RGS12: variants seen among roughly 807,000 people sequenced by gnomAD.
RGS12 encodes the protein regulator of G-protein signaling 12.
In RGS12, 66 loss-of-function variants were observed where a neutral mutation model predicts 120.1. That is an observed-to-expected ratio of 0.55 (90% CI 0.45 to 0.67). The LOEUF (loss-of-function observed/expected upper bound fraction) is 0.67, where lower values mean the gene tolerates loss of function less well. Ranked by LOEUF, RGS12 falls within the 30% of genes least tolerant of loss-of-function variation. The pLI is 0.00. For missense variants in RGS12, 1,859 were observed against 1,957.7 expected (o/e 0.95, Z 0.95); for synonymous variants, 827 against 804.7 (o/e 1.03, Z -0.47).
At chr4:3,395,442 G>A (rs528915780) in intron 4 of RGS12, among the ~76,000 whole-genome samples, 1 of 152,274 alleles carries the variant, frequency 6.6e-6, no homozygotes, top group African/African-American at 2.4e-5. Flanking sequence ...GCTTGTACAG[G>A]TCTTTTGGGT....
At position 3,417,719 on chromosome 4, in the gene RGS12, C is replaced by T; in HGVS notation, c.2761+178C>T. ...ATGCCGCTGTGTCTGGGGACACGACCTGTCAGCCAGCCAGAGGGCAGCAGG... is the reference window on the plus strand; with the variant it reads ...ATGCCGCTGTGTCTGGGGACACGACTTGTCAGCCAGCCAGAGGGCAGCAGG... On this transcript the variant is annotated intron_variant, in intron 9 of 17. Coordinates refer to ENST00000336727, the MANE Select transcript of RGS12 (RefSeq NM_001394154.1). 4.6e-6 allele frequency: 3 copies of T among 647,192 alleles called. No homozygotes were observed. In the South Asian group the frequency reaches 6.0e-5, roughly 13 times the overall value. The allele number at this position is 647,192 out of a possible 1,614,324, so 40.1% of individuals were successfully genotyped here. A position where few individuals can be genotyped will look rare whatever the true frequency, so the allele number is the denominator to read the frequency against.
intron 3 of RGS12, among the ~76,000 whole-genome samples, chr4:3,349,175 C>G (rs1714120403): frequency 6.6e-6 from 1 of 152,254 alleles, no homozygotes; most frequent in South Asian, 2.1e-4. Flanking sequence ...TTTAGAAGGA[C>G]TTACACATAA....
chr4:3,300,748 G>A (rs1723641773), intron 1 of RGS12, among the ~76,000 whole-genome samples: 1 of 152,192 alleles, frequency 6.6e-6, no homozygotes, highest in Non-Finnish European at 1.5e-5. Context: ...TCTCTCACGT[G>A]GCTTTCTCTG....
At chr4:3,423,114 G>GCC in intron 12 of RGS12, 136 bp downstream of exon 12, 1 of 570,916 alleles carries the variant, frequency 1.8e-6, no homozygotes, top group East Asian at 3.8e-5. Flanking sequence ...CGGGGCGGGG[G>GCC]GAGGGTGGAG....
chr4:3,338,212 C>T (rs1712687006), intron 2 of RGS12, among the ~76,000 whole-genome samples: 1 of 152,242 alleles, frequency 6.6e-6, no homozygotes, highest in Admixed American at 6.5e-5. Context: ...AGGCATGTGC[C>T]ACCATGCCTG....
chr4:3,351,230 A>G (rs1029041225), intron 3 of RGS12, among the ~76,000 whole-genome samples: 1 of 152,098 alleles, frequency 6.6e-6, no homozygotes, highest in African/African-American at 2.4e-5. Context: ...CAAAATTTTC[A>G]GGTTGCCTTG....
At chr4:3,326,580 C>A (rs998110528) in intron 2 of RGS12, among the ~76,000 whole-genome samples, 1 of 152,178 alleles carries the variant, frequency 6.6e-6, no homozygotes, top group African/African-American at 2.4e-5. Flanking sequence ...AAAGACTTGA[C>A]TGAAAAACTT....
At chr4:3,427,774 T>C (rs1723809781) in intron 14 of RGS12, among the ~76,000 whole-genome samples, 1 of 152,162 alleles carries the variant, frequency 6.6e-6, no homozygotes. Flanking sequence ...AAAGAAAATA[T>C]GTCATAAATG....
chr4:3,439,756 CAGG>C lies in RGS12; in HGVS notation c.*73_*75del. ...CAGCCCAGGTGGATTCTGTGGGCCTCAGGGGGGCCACCCTGGCCACCACACCCT... is the reference window on the plus strand; with the variant it reads ...CAGCCCAGGTGGATTCTGTGGGCCTCGGGGCCACCCTGGCCACCACACCCT... On this transcript the variant is annotated 3_prime_UTR_variant, in exon 18 of 18. Transcript: ENST00000336727. 2 of 1,377,798 alleles carry C rather than the reference CAGG, an allele frequency of 1.5e-6. No individual in the cohort carries two copies. Among genetic ancestry groups the C allele is most frequent in the Non-Finnish European group, 1.9e-6 (2 of 1,040,852 alleles). 85.3% of individuals were successfully genotyped at this position (1,377,798 alleles called of 1,614,324 possible). A position where few individuals can be genotyped will look rare whatever the true frequency, so the allele number is the denominator to read the frequency against.
intron 3 of RGS12, among the ~76,000 whole-genome samples, chr4:3,371,269 G>A (rs1421889589): frequency 6.6e-6 from 1 of 152,192 alleles, no homozygotes; most frequent in Non-Finnish European, 1.5e-5. Context: ...TCTTTGGGGC[G>A]TGCCTGCCGC....
chr4:3,292,900 CG>C (rs1229876151), upstream of RGS12: 3 of 150,950 alleles, frequency 2.0e-5, no homozygotes, highest in African/African-American at 7.3e-5. Context: ...GCCCCGCCCC[CG>C]CATCGCCCCG....
At chr4:3,300,967 G>GCAC in intron 1 of RGS12, among the ~76,000 whole-genome samples, 1 of 152,226 alleles carries the variant, frequency 6.6e-6, no homozygotes, top group Middle Eastern at 3.2e-3. Context: ...ACCTGGGGGT[G>GCAC]GTGAGGAGCC....
chr4:3,414,905 G>A (rs1011397760), intron 6 of RGS12, 61 bp downstream of exon 6: 13 of 1,287,324 alleles, frequency 1.0e-5, no homozygotes, highest in Non-Finnish European at 1.4e-5. Flanking sequence ...AGACGCATGT[G>A]AGGGGTGTGT....
chr4:3,414,988 C>T (rs1220198617), intron 6 of RGS12, 144 bp downstream of exon 6: 9 of 313,714 alleles, frequency 2.9e-5, no homozygotes, highest in African/African-American at 4.3e-5. Flanking sequence ...TGAGAGGTTG[C>T]GTGTGAGGGG....
chr4:3,422,908 C>T lies in RGS12; in HGVS notation c.3037C>T (p.Leu1013=), dbSNP rs1004890090. The T allele has an allele frequency of 1.9e-6, 3 of 1,613,252 alleles. No individual in the cohort carries two copies. The highest frequency in any genetic ancestry group is 2.5e-6 in the Non-Finnish European group (3 of 1,179,894). The change falls in exon 12 of 18, where the codon CTG becomes TTG. Residue 1013 remains leucine, a synonymous_variant. Transcript: ENST00000336727. The stretch of plus-strand genomic sequence containing the variant: ...TTCTGGTCTCTCTGTTCCTCAGCCT[C>T]TGGTGCTGCACCAAGACAGTAGCAT... ...DLFLVGGDKP[L]VLHQDSSILE...
At chr4:3,420,245 T>G (rs1349215689) in intron 9 of RGS12, 2 of 256,942 alleles carry the variant, frequency 7.8e-6, no homozygotes, top group Admixed American at 5.6e-5. Context: ...GAAACTACAT[T>G]TGGGGATGAA....
chr4:3,342,163 T>C (rs559783588), intron 2 of RGS12, among the ~76,000 whole-genome samples: 36 of 152,140 alleles, frequency 2.4e-4, no homozygotes, highest in African/African-American at 8.7e-4. Flanking sequence ...CTGCAGAGCC[T>C]CAAAATCTTG....
intron 17 of RGS12, among the ~76,000 whole-genome samples, chr4:3,432,567 T>TG (rs748902397): frequency 2.0e-4 from 31 of 152,358 alleles, no homozygotes; most frequent in South Asian, 4.1e-4. Context: ...GGGTCAGTTC[T>TG]CCTGCCTGCC....
At chr4:3,395,805 T>C (rs1366736544) in intron 4 of RGS12, among the ~76,000 whole-genome samples, 2 of 152,226 alleles carry the variant, frequency 1.3e-5, no homozygotes, top group Non-Finnish European at 2.9e-5. Flanking sequence ...ATTTTAAAAA[T>C]ATATTCTGGA....
Sources: allele counts gnomAD v4.1 joint callset (sites outside exome capture counted in the v4.1 genomes callset), GRCh38; gene constraint gnomAD v4.1.1; transcripts MANE v1.5; gene names NCBI Gene and HGNC (gene_info 2026-07-23, HGNC 2026-07-21).